The following MME variants were observed in gnomAD, a reference collection of about 807,000 sequenced individuals.
The protein encoded by MME is membrane metalloendopeptidase.
A neutral mutation model predicts 113.2 loss-of-function variants in MME; 98 were observed. The observed-to-expected ratio is 0.87, with a 90% CI of 0.74 to 1.02. The LOEUF (loss-of-function observed/expected upper bound fraction) is 1.02, where lower values mean the gene tolerates loss of function less well. MME is among the 50% of genes least tolerant of loss of function. MME has a pLI of 0.00. For synonymous variants in MME, 292 were observed against 300.6 expected, an observed-to-expected ratio of 0.97 and a Z score of 0.30; for missense variants, 836 against 896.0, an observed-to-expected ratio of 0.93 and a Z score of 0.86.
In MME at chr3:155,118,731, G is replaced by A; in HGVS notation, c.655-15G>A. ...CACTGAATGATTTATTTTCTTTTAT[G>A]TATATTTTTTATAGATTGACCAACC... is the stretch of plus-strand genomic sequence containing the variant. On this transcript the variant is annotated splice_polypyrimidine_tract_variant and intron_variant, in intron 7 of 22. Coordinates refer to ENST00000360490, the MANE Select transcript of MME (RefSeq NM_007289.4). 2.0e-6 allele frequency: 3 copies of A among 1,496,756 alleles called. No homozygotes were observed. The highest frequency in any genetic ancestry group is 2.3e-5 in the East Asian group (1 of 43,056). 92.7% of individuals were successfully genotyped at this position (1,496,756 alleles called of 1,614,324 possible). A position where few individuals can be genotyped will look rare whatever the true frequency, so the allele number is the denominator to read the frequency against.
chr3:155,158,356 AAACTTTAAT>A lies in MME; in HGVS notation c.1602-2029_1602-2021del, dbSNP rs1249897962. On this transcript the variant is annotated intron_variant, in intron 16 of 22. Coordinates refer to ENST00000360490, the MANE Select transcript of MME (RefSeq NM_007289.4). The stretch of plus-strand genomic sequence containing the variant: ...GTTAAATTAACTTTTATAGCAGTTA[AAACTTTAAT>A]AACTATAAGCTGTTTACCTAAAAAA... 2.6e-5 allele frequency: 4 copies of A among 152,216 alleles called. No homozygotes were observed. In the South Asian group the frequency reaches 6.2e-4, roughly 24 times the overall value. 9.4% of individuals were successfully genotyped at this position (152,216 alleles called of 1,614,324 possible). A position where few individuals can be genotyped will look rare whatever the true frequency, so the allele number is the denominator to read the frequency against.
intron 1 of MME, among the ~76,000 whole-genome samples, chr3:155,049,627 A>ATC (rs1713685341): frequency 6.8e-6 from 1 of 147,078 alleles, no homozygotes; most frequent in African/African-American, 2.5e-5. Flanking sequence ...TCATCTTAGT[A>ATC]TATCTATCTA....
At chr3:155,046,605 G>A (rs1229686910) in intron 1 of MME, among the ~76,000 whole-genome samples, 3 of 152,140 alleles carry the variant, frequency 2.0e-5, no homozygotes, top group Non-Finnish European at 2.9e-5. Context: ...CAGGAGAATC[G>A]CTTGAACCCA....
chr3:155,160,295 A>G, intron 16 of MME, 95 bp from the exon 17 acceptor site: 1 of 863,362 alleles, frequency 1.2e-6, no homozygotes. Flanking sequence ...GAAAGTTAAG[A>G]TTCATCTAGG....
At chr3:155,078,651 G>GTGTGTGTA (rs1391380506), upstream of MME, among the ~76,000 whole-genome samples, 3 of 136,894 alleles carry the variant, frequency 2.2e-5, no homozygotes, top group Non-Finnish European at 1.6e-5. Context: ...GTGTGAATAT[G>GTGTGTGTA]TGTGTGTATG....
intron 3 of MME, among the ~76,000 whole-genome samples, chr3:155,104,413 A>T (rs1322363157): frequency 2.0e-5 from 3 of 152,158 alleles, no homozygotes; most frequent in Non-Finnish European, 4.4e-5. Context: ...ATAGTTACTA[A>T]ATTTATTAGT....
At chr3:155,073,749 C>T (rs1178872026) in intron 1 of MME, among the ~76,000 whole-genome samples, 2 of 151,338 alleles carry the variant, frequency 1.3e-5, no homozygotes, top group Non-Finnish European at 2.9e-5. Flanking sequence ...TTTTACAATG[C>T]TTTTTTAAGG....
chr3:155,034,240 G>C (rs1713061430), intron 1 of MME, among the ~76,000 whole-genome samples: 1 of 152,202 alleles, frequency 6.6e-6, no homozygotes, highest in Admixed American at 6.5e-5. Context: ...TTGGGTGGGT[G>C]TGTTCTCTGA....
intron 8 of MME, among the ~76,000 whole-genome samples, chr3:155,119,878 T>C (rs1453271024): frequency 1.3e-5 from 1 of 79,078 alleles, no homozygotes; most frequent in Non-Finnish European, 2.4e-5. Flanking sequence ...TAAACATACA[T>C]GTGCATGTGT....
At chr3:155,118,892 A>C (rs1718856309) in intron 8 of MME, 81 bp downstream of exon 8, 1 of 929,146 alleles carries the variant, frequency 1.1e-6, no homozygotes, top group Non-Finnish European at 1.7e-6. Context: ...GATAAAGCCA[A>C]ATTAAATTTA....
intron 17 of MME, among the ~76,000 whole-genome samples, chr3:155,163,485 A>C (rs1477670702): frequency 6.6e-6 from 1 of 152,190 alleles, no homozygotes; most frequent in Non-Finnish European, 1.5e-5. Context: ...TTGCATGTTT[A>C]CTTCATGGAG....
chr3:155,098,295 G>A (rs940053222), intron 3 of MME, among the ~76,000 whole-genome samples: 5 of 151,966 alleles, frequency 3.3e-5, no homozygotes, highest in Admixed American at 2.0e-4. Context: ...GTGGCTCACG[G>A]CTGTAATCCC....
Position 155,164,143 on chromosome 3 carries a change from C to CAAA in MME, c.1661-2744_1661-2742dup, listed in dbSNP as rs34922274. Among the ~76,000 whole-genome samples the CAAA allele has an allele frequency of 8.9e-5, 8 of 90,120 alleles. No individual in the cohort carries two copies. In the South Asian group the frequency reaches 9.5e-4, roughly 11 times the overall value. The allele number at this position is 90,120 out of a possible 152,430, so 59.1% of individuals were successfully genotyped here. On this transcript the variant is annotated intron_variant, in intron 17 of 22. Coordinates refer to ENST00000360490, the MANE Select transcript of MME (RefSeq NM_007289.4). ...TGGGTGACAGAGTAAGACCCTGTTT[C>CAAA]AAAAAAAAAAAAAAAAAGAATGTTT... is the stretch of plus-strand genomic sequence containing the variant.
chr3:155,144,961 C>T (rs2108318194), intron 14 of MME, among the ~76,000 whole-genome samples: 1 of 152,214 alleles, frequency 6.6e-6, no homozygotes, highest in East Asian at 1.9e-4. Context: ...CATTCACATG[C>T]ATCCTGACTA....
intron 3 of MME, among the ~76,000 whole-genome samples, chr3:155,111,114 C>T (rs1330516749): frequency 6.6e-6 from 1 of 152,178 alleles, no homozygotes; most frequent in East Asian, 1.9e-4. Flanking sequence ...ACAATTACGA[C>T]CAGTTTGACA....
Position 155,117,807 on chromosome 3 carries a change from G to T in MME, c.654+821G>T, listed in dbSNP as rs141290196. 2.0e-5 allele frequency among the ~76,000 whole-genome samples: 3 copies of T among 152,208 alleles called. No individual in the cohort carries two copies. In the East Asian group the frequency reaches 5.8e-4, roughly 29 times the overall value. ...GCAGGATCACCTTGAGGACCAGGGG[G>T]TGGGGAAGGATCAGGGCCCTTCATG... On this transcript the variant is annotated intron_variant, in intron 7 of 22. Coordinates refer to ENST00000360490, the MANE Select transcript of MME (RefSeq NM_007289.4).
intron 3 of MME, among the ~76,000 whole-genome samples, chr3:155,100,135 G>C (rs1169858662): frequency 1.3e-5 from 2 of 152,038 alleles, no homozygotes; most frequent in East Asian, 3.9e-4. Context: ...TGGGAGAAAA[G>C]TTTTGCAATT....
At chr3:155,087,437 T>C (rs1001273360) in intron 3 of MME, among the ~76,000 whole-genome samples, 1 of 152,110 alleles carries the variant, frequency 6.6e-6, no homozygotes, top group African/African-American at 2.4e-5. Flanking sequence ...GGGAAATGGC[T>C]GCACAGGTAC....
In MME at chr3:155,182,389, T is replaced by C. The variant is rs1468862738; in HGVS notation, c.*1930T>C. 1 of 152,214 alleles carries C rather than the reference T, an allele frequency of 6.6e-6. No individual in the cohort carries two copies. The highest frequency in any genetic ancestry group is 1.5e-5 in the Non-Finnish European group (1 of 68,032). 9.4% of individuals were successfully genotyped at this position (152,214 alleles called of 1,614,324 possible). ...ACTATGAATGTACTGCATGTTACCA[T>C]CTTACTTGAGCCTTTAATGGACTTA... On this transcript the variant is annotated 3_prime_UTR_variant, in exon 23 of 23. Transcript: ENST00000360490.
Sources: gnomAD v4.1 joint callset for allele counts (sites outside exome capture counted in the v4.1 genomes callset) on GRCh38, gnomAD v4.1.1 for gene constraint, MANE v1.5 for transcripts, NCBI Gene and HGNC (gene_info 2026-07-23, HGNC 2026-07-21) for gene names.